Variants in DNAAF6 observed in about 807,000 individuals in gnomAD.
The protein encoded by DNAAF6 is PIH1 domain containing 3.
A neutral mutation model predicts 13.7 loss-of-function variants in DNAAF6; 3 were observed. The observed-to-expected ratio is 0.22, with a 90% CI of 0.10 to 0.56. DNAAF6 has a LOEUF of 0.56. Among genes scored for constraint, DNAAF6 ranks in the 20% least tolerant of loss-of-function variants. The pLI is 0.92. For missense variants in DNAAF6, 130 were observed against 151.0 expected (o/e 0.86, Z 0.73); for synonymous variants, 54 against 49.2 (o/e 1.10, Z -0.41).
chrX:107,209,183 C>T lies in DNAAF6; in HGVS notation c.-4+2493C>T, dbSNP rs762492892. Among the ~76,000 whole-genome samples the T allele has an allele frequency of 1.2e-4, 13 of 111,156 alleles. No homozygotes were observed. The East Asian group carries it at 3.4e-3, about 29-fold the overall frequency. On this transcript the variant is annotated intron_variant, in intron 1 of 6. Transcript: ENST00000372453. Reference sequence around the variant, plus strand: ...ATTCAGACATAGGCAGAGATGATATCACTGTTGTGTTCTCAAGAATTTTAA... The same window carrying T: ...ATTCAGACATAGGCAGAGATGATATTACTGTTGTGTTCTCAAGAATTTTAA...
chrX:107,212,793 A>C, intron 1 of DNAAF6, 80 bp from the exon 2 acceptor site: 1 of 1,017,583 alleles, frequency 9.8e-7, no homozygotes, highest in Non-Finnish European at 1.3e-6. Context: ...GAAAGAAGGG[A>C]GATATGACAA....
At chrX:107,234,765 G>A (rs751394333) in intron 5 of DNAAF6, among the ~76,000 whole-genome samples, 1 of 111,786 alleles carries the variant, frequency 8.9e-6, no homozygotes, top group Non-Finnish European at 1.9e-5. Context: ...TCTTATCGTG[G>A]TGATGAAGTG....
intron 1 of DNAAF6, among the ~76,000 whole-genome samples, chrX:107,209,240 A>G (rs1927793695): frequency 9.3e-6 from 1 of 108,099 alleles, no homozygotes; most frequent in African/African-American, 3.5e-5. Flanking sequence ...CACTATATAA[A>G]TAAAGTTGCT....
intron 5 of DNAAF6, among the ~76,000 whole-genome samples, chrX:107,230,257 A>G (rs1928357969): frequency 9.0e-6 from 1 of 111,713 alleles, no homozygotes; most frequent in Non-Finnish European, 1.9e-5. Context: ...TACCACTGCA[A>G]TTGCTATCAT....
chrX:107,209,087 G>T (rs1281431281), intron 1 of DNAAF6, among the ~76,000 whole-genome samples: 1 of 110,956 alleles, frequency 9.0e-6, no homozygotes, highest in Non-Finnish European at 1.9e-5. Context: ...TTAATAGGTG[G>T]GAAATCATTG....
intron 5 of DNAAF6, among the ~76,000 whole-genome samples, chrX:107,230,469 G>T (rs1003650982): frequency 7.2e-5 from 8 of 111,510 alleles, no homozygotes; most frequent in Admixed American, 2.9e-4. Flanking sequence ...GATCACCTGA[G>T]ATCAGGAGTT....
intron 5 of DNAAF6, among the ~76,000 whole-genome samples, chrX:107,223,129 G>A (rs771658712): frequency 9.0e-6 from 1 of 111,216 alleles, no homozygotes; most frequent in Non-Finnish European, 1.9e-5. Context: ...AATTGGATTG[G>A]ACTGGATTTT....
At chrX:107,238,598 TA>T (rs1219444610) in intron 5 of DNAAF6, among the ~76,000 whole-genome samples, 1 of 111,794 alleles carries the variant, frequency 8.9e-6, no homozygotes, top group African/African-American at 3.2e-5. Context: ...TCCCCAACTC[TA>T]ACAGGTGTAC....
At chrX:107,220,045 C>T (rs1023302543) in intron 4 of DNAAF6, among the ~76,000 whole-genome samples, 4 of 111,282 alleles carry the variant, frequency 3.6e-5, no homozygotes, top group East Asian at 2.8e-4. Context: ...GCAATCCGCC[C>T]GCCTCAGCCT....
chrX:107,228,625 TG>T (rs1011062385), intron 5 of DNAAF6, among the ~76,000 whole-genome samples: 1 of 110,366 alleles, frequency 9.1e-6, no homozygotes, highest in Non-Finnish European at 1.9e-5. Context: ...CAGAATTTTT[TG>T]TTTTTTTGAG....
chrX:107,231,070 CTTAT>C (rs766555957), intron 5 of DNAAF6, among the ~76,000 whole-genome samples: 2 of 111,432 alleles, frequency 1.8e-5, no homozygotes, highest in African/African-American at 6.5e-5. Flanking sequence ...AACTTTATTT[CTTAT>C]TTCTCACTTT....
At chrX:107,218,831 T>G in intron 3 of DNAAF6, 33 bp from the exon 4 acceptor site, 20 of 1,156,253 alleles carry the variant, frequency 1.7e-5, no homozygotes, top group Non-Finnish European at 2.2e-5. Flanking sequence ...GAAAAAAGCA[T>G]GAGCTTCAGC....
chrX:107,242,703 T>C (rs1372396747), intron 6 of DNAAF6, among the ~76,000 whole-genome samples: 2 of 112,493 alleles, frequency 1.8e-5, no homozygotes, highest in East Asian at 5.6e-4. Context: ...GATTTGGTAT[T>C]GAAATCATTC....
At chrX:107,218,810 A>G in intron 3 of DNAAF6, 54 bp from the exon 4 acceptor site, 1 of 1,129,788 alleles carries the variant, frequency 8.9e-7, no homozygotes, top group Non-Finnish European at 1.2e-6. Flanking sequence ...AACAGGAGCA[A>G]TTTAGAGAAG....
chrX:107,208,687 G>A, intron 1 of DNAAF6, among the ~76,000 whole-genome samples: 1 of 109,305 alleles, frequency 9.1e-6, no homozygotes, highest in East Asian at 2.9e-4. Context: ...ACAGGTGCGT[G>A]CCACTATGCC....
chrX:107,207,645 T>C (rs907098692), intron 1 of DNAAF6, among the ~76,000 whole-genome samples: 1 of 112,032 alleles, frequency 8.9e-6, no homozygotes, highest in African/African-American at 3.2e-5. Flanking sequence ...CAAGAAAATT[T>C]GCCAGGCCGA....
At chrX:107,239,036 T>A in intron 6 of DNAAF6, 29 bp downstream of exon 6, 1 of 1,169,414 alleles carries the variant, frequency 8.6e-7, no homozygotes, top group Non-Finnish European at 1.1e-6. Flanking sequence ...TGGAATAGTG[T>A]ATTATAATAT....
intron 5 of DNAAF6, among the ~76,000 whole-genome samples, chrX:107,228,234 A>C (rs990458349): frequency 2.3e-4 from 26 of 112,085 alleles, no homozygotes; most frequent in African/African-American, 8.4e-4. Flanking sequence ...TTTGTCAGTT[A>C]AGAAGTCTTT....
At chrX:107,221,164 G>A (rs1036876386) in intron 4 of DNAAF6, among the ~76,000 whole-genome samples, 2 of 110,084 alleles carry the variant, frequency 1.8e-5, no homozygotes, top group Non-Finnish European at 3.8e-5. Context: ...TTGTAGAGAC[G>A]AGGTTTCACC....
Sources: allele counts gnomAD v4.1 joint callset (sites outside exome capture counted in the v4.1 genomes callset), GRCh38; gene constraint gnomAD v4.1.1; transcripts MANE v1.5; gene names NCBI Gene and HGNC (gene_info 2026-07-23, HGNC 2026-07-21).